MYO5C: variants seen among roughly 807,000 people sequenced by gnomAD.
MYO5C encodes unconventional myosin-Vc.
Under a neutral mutation model 235.7 loss-of-function variants are expected in MYO5C, and 194 were observed. That is an observed-to-expected ratio of 0.82 (90% CI 0.73 to 0.93). MYO5C has a LOEUF of 0.93. Among genes scored for constraint, MYO5C ranks in the 40% least tolerant of loss-of-function variants. The pLI, the probability that MYO5C is intolerant of heterozygous loss-of-function variation, is 0.00. For missense variants in MYO5C, 2,038 were observed against 2,127.2 expected, an observed-to-expected ratio of 0.96 and a Z score of 0.82; for synonymous variants, 707 against 754.8, an observed-to-expected ratio of 0.94 and a Z score of 1.04.
At chr15:52,290,080 A>G (rs2140873862) in intron 1 of MYO5C, among the ~76,000 whole-genome samples, 1 of 151,496 alleles carries the variant, frequency 6.6e-6, no homozygotes, top group Middle Eastern at 3.4e-3. Flanking sequence ...GCTTCCCTTG[A>G]GCGCTCTCTG....
At chr15:52,202,866 A>T (rs1426742372) in intron 38 of MYO5C, among the ~76,000 whole-genome samples, 1 of 152,048 alleles carries the variant, frequency 6.6e-6, no homozygotes, top group African/African-American at 2.4e-5. Flanking sequence ...CTCAATTTTT[A>T]AAAAATTTTT....
At position 52,244,592 on chromosome 15, in the gene MYO5C, A is replaced by T. The variant is rs1313195665; in HGVS notation, c.2179-25T>A. 2.0e-6 allele frequency: 3 copies of T among 1,515,264 alleles called. No individual in the cohort carries two copies. In the African/African-American group the frequency reaches 4.2e-5, roughly 21 times the overall value. 93.9% of individuals were successfully genotyped at this position (1,515,264 alleles called of 1,614,324 possible). A position where few individuals can be genotyped will look rare whatever the true frequency, so the allele number is the denominator to read the frequency against. ...CCTGGAAGAGAAAAATGATATAGTT[A>T]GAATTAAAATCTGTCAGATTTTCTA... is the stretch of plus-strand genomic sequence containing the variant. On this transcript the variant is annotated intron_variant, in intron 18 of 40. Coordinates refer to ENST00000261839, the MANE Select transcript of MYO5C (RefSeq NM_018728.4).
intron 19 of MYO5C, among the ~76,000 whole-genome samples, chr15:52,244,060 C>T (rs964653677): frequency 6.6e-6 from 1 of 152,190 alleles, no homozygotes; most frequent in Non-Finnish European, 1.5e-5. Flanking sequence ...GGCCCCGGGC[C>T]TCTCCCTGAG....
At chr15:52,211,953 AG>A in intron 34 of MYO5C, 69 bp from the exon 35 acceptor site, 5 of 1,512,452 alleles carry the variant, frequency 3.3e-6, no homozygotes, top group Non-Finnish European at 4.5e-6. Context: ...ACTTGTGACT[AG>A]GGGCAGGGGC....
intron 7 of MYO5C, among the ~76,000 whole-genome samples, chr15:52,270,906 CT>C (rs1172784012): frequency 6.6e-6 from 1 of 152,154 alleles, no homozygotes; most frequent in Non-Finnish European, 1.5e-5. Context: ...TAGAAGTTAT[CT>C]CCAACAATTC....
chr15:52,272,809 T>A, intron 5 of MYO5C, 86 bp from the exon 6 acceptor site: 1 of 1,364,306 alleles, frequency 7.3e-7, no homozygotes, highest in Non-Finnish European at 1.0e-6. Context: ...TAAAAGGCAA[T>A]CCTGTACCCT....
At chr15:52,239,960 C>G in intron 20 of MYO5C, 81 bp from the exon 21 acceptor site, 2 of 1,412,254 alleles carry the variant, frequency 1.4e-6, no homozygotes, top group Non-Finnish European at 9.6e-7. Context: ...GAAGATGCAA[C>G]TACCACGGTG....
At position 52,243,301 on chromosome 15, in the gene MYO5C, G is replaced by A. The variant is rs192601743; in HGVS notation, c.2390+1055C>T. On this transcript the variant is annotated intron_variant, in intron 19 of 40. Transcript: ENST00000261839. ...ATCAGAGTGCAAGGCAGGTGATGCCGTGAGCCTAAACTGGGGGCAGGAGTG... is the reference window on the plus strand; with the variant it reads ...ATCAGAGTGCAAGGCAGGTGATGCCATGAGCCTAAACTGGGGGCAGGAGTG... 144 of 152,748 alleles carry A rather than the reference G, an allele frequency of 9.4e-4. 3 individuals are homozygous for A. The South Asian group carries it at 0.012, about 13-fold the overall frequency. The allele number at this position is 152,748 out of a possible 1,614,324, so 9.5% of individuals were successfully genotyped here.
chr15:52,195,725 C>T (rs1364986612), intron 39 of MYO5C, among the ~76,000 whole-genome samples: 4 of 152,096 alleles, frequency 2.6e-5, no homozygotes, highest in African/African-American at 4.8e-5. Context: ...CACCCCTCCA[C>T]ATACACATTT....
Position 52,272,733 on chromosome 15 carries a change from A to T in MYO5C, c.607-10T>A. On this transcript the variant is annotated splice_polypyrimidine_tract_variant and intron_variant, in intron 5 of 40. Coordinates refer to ENST00000261839, the MANE Select transcript of MYO5C (RefSeq NM_018728.4). ...TGGCATTTCCAACGGCCTAAAAAAA[A>T]TAAGACTCTATTGAAATAACAACAT... is the stretch of plus-strand genomic sequence containing the variant. 6.2e-7 allele frequency: 1 copy of T among 1,609,414 alleles called. No individual in the cohort carries two copies. The highest frequency in any genetic ancestry group is 2.2e-5 in the East Asian group (1 of 44,868).
intron 39 of MYO5C, among the ~76,000 whole-genome samples, chr15:52,195,966 T>G (rs2035040292): frequency 3.3e-5 from 1 of 30,524 alleles, no homozygotes; most frequent in East Asian, 4.2e-4. Context: ...ACCCAGCTTT[T>G]TTTTTTTTTT....
chr15:52,288,961 G>C (rs1374881741), intron 1 of MYO5C, among the ~76,000 whole-genome samples: 1 of 152,180 alleles, frequency 6.6e-6, no homozygotes, highest in African/African-American at 2.4e-5. Flanking sequence ...CACGCCGCCT[G>C]CTTTTCTGAG....
At chr15:52,199,958 C>A (rs974915997) in intron 38 of MYO5C, among the ~76,000 whole-genome samples, 4 of 152,128 alleles carry the variant, frequency 2.6e-5, no homozygotes, top group Non-Finnish European at 5.9e-5. Context: ...AAGGGAGGAG[C>A]CTGGGAAAGT....
chr15:52,247,998 C>T (rs1349890054), intron 14 of MYO5C, among the ~76,000 whole-genome samples: 2 of 152,174 alleles, frequency 1.3e-5, no homozygotes, highest in Non-Finnish European at 2.9e-5. Flanking sequence ...CCACCCACTT[C>T]GCAATGAATG....
chr15:52,210,172 C>T (rs984980511), intron 35 of MYO5C, among the ~76,000 whole-genome samples: 2 of 152,002 alleles, frequency 1.3e-5, no homozygotes, highest in Non-Finnish European at 1.5e-5. Flanking sequence ...CCATGTTGCC[C>T]AGGCTGGTCT....
chr15:52,274,557 T>C (rs981050520), intron 5 of MYO5C, among the ~76,000 whole-genome samples: 4 of 152,158 alleles, frequency 2.6e-5, no homozygotes, highest in Non-Finnish European at 5.9e-5. Context: ...GGATTATAGA[T>C]GTGAGCCACC....
At chr15:52,198,913 AG>A (rs2035118966) in intron 38 of MYO5C, among the ~76,000 whole-genome samples, 1 of 144,072 alleles carries the variant, frequency 6.9e-6, no homozygotes, top group African/African-American at 2.6e-5. Flanking sequence ...TTTTGTTTTG[AG>A]ATGGAGTCTC....
chr15:52,288,089 G>C (rs561214330), intron 1 of MYO5C, among the ~76,000 whole-genome samples: 1 of 152,284 alleles, frequency 6.6e-6, no homozygotes, highest in South Asian at 2.1e-4. Context: ...AGGAAGCCTG[G>C]GCTCTGAGAA....
At chr15:52,274,372 G>A (rs1472513592) in intron 5 of MYO5C, among the ~76,000 whole-genome samples, 2 of 152,156 alleles carry the variant, frequency 1.3e-5, no homozygotes, top group Non-Finnish European at 2.9e-5. Context: ...TCCACCTCCT[G>A]ACTCAAGCAA....
Sources: gnomAD v4.1 joint callset for allele counts (sites outside exome capture counted in the v4.1 genomes callset) on GRCh38, gnomAD v4.1.1 for gene constraint, MANE v1.5 for transcripts, NCBI Gene and HGNC (gene_info 2026-07-23, HGNC 2026-07-21) for gene names.